BTBD9: variants seen among roughly 807,000 people sequenced by gnomAD.
BTBD9 encodes the protein BTB domain containing 9, also known as BTB/POZ domain-containing protein 9.
A neutral mutation model predicts 64.3 loss-of-function variants in BTBD9; 49 were observed. The observed-to-expected ratio is 0.76, with a 90% CI of 0.61 to 0.97. The LOEUF (loss-of-function observed/expected upper bound fraction) is 0.97, where lower values mean the gene tolerates loss of function less well. Ranked by LOEUF, BTBD9 falls within the 50% of genes least tolerant of loss-of-function variation. The pLI is 0.00. For synonymous variants in BTBD9, 260 were observed against 274.7 expected, an observed-to-expected ratio of 0.95 and a Z score of 0.53; for missense variants, 598 against 762.1, an observed-to-expected ratio of 0.78 and a Z score of 2.53.
chr6:38,209,389 T>C (rs775878311), intron 9 of BTBD9, among the ~76,000 whole-genome samples: 19 of 152,236 alleles, frequency 1.2e-4, no homozygotes, highest in Non-Finnish European at 2.2e-4. Context: ...TAAATCCTTA[T>C]ACTGTTTTGT....
rs1582112698 is a variant in BTBD9, at chr6:38,249,876, T to C, written c.1562+6533A>G. Among the ~76,000 whole-genome samples the C allele has an allele frequency of 2.6e-5, 4 of 151,748 alleles. No homozygotes were observed. In the South Asian group the frequency reaches 8.3e-4, roughly 32 times the overall value. On this transcript the variant is annotated intron_variant, in intron 9 of 10. Transcript: ENST00000481247. ...GCTTCACATTCCAAATAGAAACTAA[T>C]ACTTCTTGTGACAGCTCCATAAGCA...
chr6:38,218,181 GCC>G lies in BTBD9; in HGVS notation c.1563-25586_1563-25585del, dbSNP rs541613262. Reference sequence around the variant, plus strand: ...GTAATTATTCTATATTCAAGTCTATGCCTACCCCCAGGGGCAACAAATGTTTT... The same window carrying G: ...GTAATTATTCTATATTCAAGTCTATGTACCCCCAGGGGCAACAAATGTTTT... On this transcript the variant is annotated intron_variant, in intron 9 of 10. Transcript: ENST00000481247. Among the ~76,000 whole-genome samples the G allele has an allele frequency of 1.1e-4, 17 of 152,248 alleles. 1 individual carries two copies. In the South Asian group the frequency reaches 3.3e-3, roughly 30 times the overall value.
intron 10 of BTBD9, among the ~76,000 whole-genome samples, chr6:38,191,130 T>G (rs969484746): frequency 6.6e-5 from 10 of 152,246 alleles, no homozygotes; most frequent in African/African-American, 9.6e-5. Context: ...TTTATAGTTT[T>G]CAGATTTGTT....
chr6:38,297,887 C>T (rs1161182816), intron 7 of BTBD9, among the ~76,000 whole-genome samples: 3 of 150,018 alleles, frequency 2.0e-5, no homozygotes, highest in African/African-American at 7.4e-5. Flanking sequence ...GTCGCCCAGG[C>T]TGCAGTGCAG....
At chr6:38,602,560 G>A (rs1182333213) in intron 1 of BTBD9, among the ~76,000 whole-genome samples, 1 of 151,960 alleles carries the variant, frequency 6.6e-6, no homozygotes, top group Non-Finnish European at 1.5e-5. Context: ...TCACTAGACT[G>A]GGGCTGTTGG....
At chr6:38,572,941 CA>C (rs1775844323) in intron 6 of BTBD9, among the ~76,000 whole-genome samples, 1 of 151,418 alleles carries the variant, frequency 6.6e-6, no homozygotes. Flanking sequence ...CAAAAAGTAC[CA>C]ATAAAACACT....
intron 10 of BTBD9, chr6:38,179,961 A>C (rs1582002956): frequency 5.0e-6 from 2 of 398,384 alleles, no homozygotes; most frequent in East Asian, 7.2e-5. Flanking sequence ...TTGGCACCTC[A>C]CTCCTGGCAG....
At chr6:38,436,698 T>C (rs1197730942) in intron 6 of BTBD9, among the ~76,000 whole-genome samples, 4 of 150,008 alleles carry the variant, frequency 2.7e-5, no homozygotes, top group African/African-American at 7.6e-5. Flanking sequence ...TGGATATATG[T>C]TGACATCAAC....
At chr6:38,425,955 CACAA>C (rs1768126109) in intron 6 of BTBD9, among the ~76,000 whole-genome samples, 2 of 146,594 alleles carry the variant, frequency 1.4e-5, no homozygotes, top group Admixed American at 6.8e-5. Context: ...CACACACACA[CACAA>C]ACAAAAGCAA....
At chr6:38,534,390 A>T (rs1773923623) in intron 6 of BTBD9, among the ~76,000 whole-genome samples, 1 of 151,928 alleles carries the variant, frequency 6.6e-6, no homozygotes, top group Non-Finnish European at 1.5e-5. Flanking sequence ...CTCCCAGCAA[A>T]GAAAAGCCTG....
At chr6:38,237,539 T>C (rs1763818321) in intron 9 of BTBD9, among the ~76,000 whole-genome samples, 1 of 152,170 alleles carries the variant, frequency 6.6e-6, no homozygotes, top group Non-Finnish European at 1.5e-5. Context: ...ACATGATTCA[T>C]AAAATCACAT....
At chr6:38,582,876 T>C (rs1378407273) in intron 4 of BTBD9, among the ~76,000 whole-genome samples, 1 of 152,112 alleles carries the variant, frequency 6.6e-6, no homozygotes, top group Non-Finnish European at 1.5e-5. Context: ...AAGTAACATA[T>C]AAAGCGCTCA....
At chr6:38,473,144 C>T (rs1442673070) in intron 6 of BTBD9, among the ~76,000 whole-genome samples, 2 of 152,180 alleles carry the variant, frequency 1.3e-5, no homozygotes, top group Non-Finnish European at 2.9e-5. Flanking sequence ...ATAGAGATGA[C>T]AGAATGCCAT....
At chr6:38,570,261 G>C (rs1046807449) in intron 6 of BTBD9, among the ~76,000 whole-genome samples, 3 of 152,162 alleles carry the variant, frequency 2.0e-5, no homozygotes, top group Non-Finnish European at 4.4e-5. Context: ...CAAAGAGGTA[G>C]TAAGAGCTTC....
intron 6 of BTBD9, among the ~76,000 whole-genome samples, chr6:38,465,265 A>G (rs1770291719): frequency 6.6e-6 from 1 of 151,774 alleles, no homozygotes; most frequent in Non-Finnish European, 1.5e-5. Flanking sequence ...ACTGTGCTCC[A>G]GCCTGGGCAA....
At chr6:38,258,889 C>CA in intron 8 of BTBD9, among the ~76,000 whole-genome samples, 1 of 151,720 alleles carries the variant, frequency 6.6e-6, no homozygotes, top group South Asian at 2.1e-4. Flanking sequence ...GATTCTGTCT[C>CA]AAAAAAACAA....
chr6:38,344,380 A>G (rs1236283081), intron 7 of BTBD9, among the ~76,000 whole-genome samples: 1 of 152,198 alleles, frequency 6.6e-6, no homozygotes, highest in African/African-American at 2.4e-5. Context: ...CTCTTTCCAA[A>G]TATCAGTCAG....
intron 9 of BTBD9, among the ~76,000 whole-genome samples, chr6:38,254,542 T>A (rs1764510561): frequency 6.6e-6 from 1 of 151,758 alleles, no homozygotes; most frequent in African/African-American, 2.4e-5. Context: ...GAGACTGAGG[T>A]GGGAAGATCA....
intron 9 of BTBD9, among the ~76,000 whole-genome samples, chr6:38,245,535 G>C (rs1280040680): frequency 1.3e-5 from 2 of 152,178 alleles, no homozygotes; most frequent in African/African-American, 2.4e-5. Context: ...AGTATGGAGA[G>C]GCAGGGGGCC....
Sources: gnomAD v4.1 joint callset for allele counts (sites outside exome capture counted in the v4.1 genomes callset) on GRCh38, gnomAD v4.1.1 for gene constraint, MANE v1.5 for transcripts, NCBI Gene and HGNC (gene_info 2026-07-23, HGNC 2026-07-21) for gene names.